CMTM8: variants seen among roughly 807,000 people sequenced by gnomAD.
The protein encoded by CMTM8 is CKLF-like MARVEL transmembrane domain-containing protein 8.
Under a neutral mutation model 18.6 loss-of-function variants are expected in CMTM8, and 12 were observed. That is an observed-to-expected ratio of 0.65 (90% confidence interval 0.41 to 1.05). The LOEUF (loss-of-function observed/expected upper bound fraction) is 1.05. Ranked by LOEUF, CMTM8 falls within the 50% of genes least tolerant of loss-of-function variation. The probability of loss-of-function intolerance (pLI) is 0.00; values close to 1 mark genes in which losing one functional copy is unlikely to be tolerated. For synonymous variants in CMTM8, 87 were observed against 90.6 expected (o/e 0.96, Z 0.23); for missense variants, 217 against 227.2 (o/e 0.95, Z 0.29).
At chr3:32,337,346 G>A (rs938819114) in intron 1 of CMTM8, among the ~76,000 whole-genome samples, 2 of 152,156 alleles carry the variant, frequency 1.3e-5, no homozygotes, top group Admixed American at 6.5e-5. Context: ...AGGCCTGCAC[G>A]GACAGAGGTG....
intron 1 of CMTM8, among the ~76,000 whole-genome samples, chr3:32,240,349 A>G (rs1011181942): frequency 2.0e-4 from 31 of 152,352 alleles, no homozygotes; most frequent in African/African-American, 6.7e-4. Flanking sequence ...TGAGGACTTC[A>G]GGAGACTCAA....
intron 1 of CMTM8, among the ~76,000 whole-genome samples, chr3:32,313,335 G>T (rs373620922): frequency 3.9e-5 from 6 of 152,148 alleles, no homozygotes; most frequent in East Asian, 1.9e-4. Context: ...TTTGCAGCAG[G>T]GGGGAGCCTA....
chr3:32,330,755 T>C (rs944818669), intron 1 of CMTM8, among the ~76,000 whole-genome samples: 3 of 152,160 alleles, frequency 2.0e-5, no homozygotes, highest in African/African-American at 7.2e-5. Context: ...GGACAGTCTC[T>C]TCAACAAATG....
chr3:32,353,784 A>ATT (rs10648596), intron 1 of CMTM8, among the ~76,000 whole-genome samples: 7,140 of 134,006 alleles, frequency 0.053, 279 homozygotes, highest in African/African-American at 0.062. Context: ...TTCTGTGTTA[A>ATT]TTTTTTTTTT....
intron 1 of CMTM8, among the ~76,000 whole-genome samples, chr3:32,356,994 T>TA (rs1696827168): frequency 6.6e-6 from 1 of 152,232 alleles, no homozygotes; most frequent in Non-Finnish European, 1.5e-5. Flanking sequence ...CTGCCATGGT[T>TA]ACCTTCCTGG....
At chr3:32,264,194 C>T (rs1049915265) in intron 1 of CMTM8, among the ~76,000 whole-genome samples, 22 of 152,124 alleles carry the variant, frequency 1.4e-4, no homozygotes, top group Non-Finnish European at 2.9e-4. Flanking sequence ...TAAGGGCAGC[C>T]AGAGAGAAAG....
rs13327799 is a variant in CMTM8, at chr3:32,260,054, C to T, written c.147+20935C>T. ...GGCCCTGCTGAACATCAAGGTCAAG[C>T]TGGAGGCTGAGATCGCCAGCTACCA... On this transcript the variant is annotated intron_variant, in intron 1 of 3. Transcript: ENST00000307526. 1,486 of 1,144,052 alleles carry T rather than the reference C, an allele frequency of 1.3e-3. 13 individuals are homozygous for T. The African/African-American group carries it at 0.02, about 16-fold the overall frequency. The allele number at this position is 1,144,052 out of a possible 1,614,324, so 70.9% of individuals were successfully genotyped here.
At chr3:32,297,998 T>TCAG (rs1416498391) in intron 1 of CMTM8, among the ~76,000 whole-genome samples, 1 of 151,668 alleles carries the variant, frequency 6.6e-6, no homozygotes, top group African/African-American at 2.4e-5. Context: ...GGTTTCATGG[T>TCAG]CATCAGCAGC....
chr3:32,368,553 T>C (rs1697090548), intron 3 of CMTM8, among the ~76,000 whole-genome samples: 1 of 149,772 alleles, frequency 6.7e-6, no homozygotes, highest in Non-Finnish European at 1.5e-5. Context: ...CTGGAACTCC[T>C]CAGCTTGAGC....
At chr3:32,339,249 C>T (rs1696446635) in intron 1 of CMTM8, among the ~76,000 whole-genome samples, 1 of 152,172 alleles carries the variant, frequency 6.6e-6, no homozygotes, top group Admixed American at 6.5e-5. Flanking sequence ...GTGGTGTTGT[C>T]ACAGTGCCGG....
intron 1 of CMTM8, among the ~76,000 whole-genome samples, chr3:32,251,478 TA>T (rs1441420951): frequency 9.4e-6 from 1 of 106,090 alleles, no homozygotes; most frequent in Non-Finnish European, 1.9e-5. Context: ...CACACCCCGC[TA>T]ATTTTTTGTA....
chr3:32,283,989 G>T (rs1228564652), intron 1 of CMTM8, among the ~76,000 whole-genome samples: 1 of 152,206 alleles, frequency 6.6e-6, no homozygotes, highest in Admixed American at 6.5e-5. Flanking sequence ...AGTGCCTCAC[G>T]CCTGTAATTC....
chr3:32,346,013 G>T (rs1490950773), intron 1 of CMTM8, among the ~76,000 whole-genome samples: 1 of 152,184 alleles, frequency 6.6e-6, no homozygotes, highest in East Asian at 1.9e-4. Flanking sequence ...AATTAGCTGG[G>T]CGTGGTGGCT....
At chr3:32,245,365 G>A (rs1186312654) in intron 1 of CMTM8, among the ~76,000 whole-genome samples, 1 of 152,198 alleles carries the variant, frequency 6.6e-6, no homozygotes, top group Non-Finnish European at 1.5e-5. Context: ...GGTAGTAGCT[G>A]TACCTATTAA....
chr3:32,276,684 C>A (rs978949697), intron 1 of CMTM8, among the ~76,000 whole-genome samples: 2 of 152,096 alleles, frequency 1.3e-5, no homozygotes, highest in South Asian at 2.1e-4. Flanking sequence ...TAACCCGTGT[C>A]GTCAATGGTT....
intron 1 of CMTM8, among the ~76,000 whole-genome samples, chr3:32,262,465 A>G (rs1702271714): frequency 6.6e-6 from 1 of 152,178 alleles, no homozygotes; most frequent in Non-Finnish European, 1.5e-5. Flanking sequence ...ATCCACATGG[A>G]GTATTTACTA....
At chr3:32,282,854 G>T (rs933602916) in intron 1 of CMTM8, among the ~76,000 whole-genome samples, 1 of 152,142 alleles carries the variant, frequency 6.6e-6, no homozygotes, top group Non-Finnish European at 1.5e-5. Flanking sequence ...AGCTCTAGGT[G>T]TTTGTATTTT....
intron 1 of CMTM8, among the ~76,000 whole-genome samples, chr3:32,293,454 G>A (rs1702819289): frequency 6.6e-6 from 1 of 152,176 alleles, no homozygotes; most frequent in African/African-American, 2.4e-5. Flanking sequence ...AGGCTGAGAT[G>A]GGAGAATTGC....
Position 32,239,031 on chromosome 3 carries a change from C to T in CMTM8, c.59C>T (p.Ala20Val), listed in dbSNP as rs898411973. The stretch of plus-strand genomic sequence containing the variant: ...GTCACCACCACCGCCAGCTCCTTCG[C>T]AGAGAACTTCTCCACCAGCAGCAGC... ...HTVTTTASSF[A>V]ENFSTSSSSF... Residue 20 changes from alanine (A) to valine (V), a missense_variant, in exon 1 of 4, where the codon GCA (alanine) becomes GTA (valine). Coordinates refer to ENST00000307526, the MANE Select transcript of CMTM8 (RefSeq NM_178868.5). 6.3e-7 allele frequency: 1 copy of T among 1,579,392 alleles called. No individual in the cohort carries two copies. The highest frequency in any genetic ancestry group is 8.6e-7 in the Non-Finnish European group (1 of 1,163,202).
Sources: allele counts gnomAD v4.1 joint callset (sites outside exome capture counted in the v4.1 genomes callset), GRCh38; gene constraint gnomAD v4.1.1; transcripts MANE v1.5; gene names NCBI Gene and HGNC (gene_info 2026-07-23, HGNC 2026-07-21).